LRP4: variants seen among roughly 807,000 people sequenced by gnomAD.
The protein encoded by LRP4 is LDL receptor related protein 4, also known as low-density lipoprotein receptor-related protein 4.
Under a neutral mutation model 220.3 loss-of-function variants are expected in LRP4, and 95 were observed. The ratio of observed to expected loss-of-function variants is 0.43; its 90% CI spans 0.37 to 0.51. The LOEUF is 0.51. LRP4 is among the 20% of genes least tolerant of loss of function. The pLI, the probability that LRP4 is intolerant of heterozygous loss-of-function variation, is 0.00. For synonymous variants in LRP4, 903 were observed against 954.6 expected (o/e 0.95, Z 1.00); for missense variants, 1,925 against 2,567.0 (o/e 0.75, Z 5.40).
At position 46,859,274 on chromosome 11, in the gene LRP4, G is replaced by A. The variant is rs763024440; in HGVS notation, c.5427C>T (p.Ile1809=). The A allele has an allele frequency of 2.5e-6, 4 of 1,614,066 alleles. No homozygotes were observed. The highest frequency in any genetic ancestry group is 2.2e-5 in the South Asian group (2 of 91,070). The part of the protein sequence containing the change: ...DHNYTKEKIK[I]VEGICLLSGD... ...CAGACAGGAGGCAGATTCCCTCTAC[G>A]ATCTTGATCTTCTCCTTGGTGTAGT... Residue 1809 remains isoleucine, a synonymous_variant, in exon 38 of 38, where the codon ATC becomes ATT. Coordinates refer to ENST00000378623, the MANE Select transcript of LRP4 (RefSeq NM_002334.4).
At chr11:46,904,097 G>A (rs551566962) in intron 1 of LRP4, among the ~76,000 whole-genome samples, 6 of 152,302 alleles carry the variant, frequency 3.9e-5, no homozygotes, top group Admixed American at 6.5e-5. Context: ...CATCCAACCC[G>A]CTGGGCTGCT....
At chr11:46,860,631 G>A (rs914094001) in intron 37 of LRP4, among the ~76,000 whole-genome samples, 6 of 152,134 alleles carry the variant, frequency 3.9e-5, no homozygotes, top group African/African-American at 1.4e-4. Context: ...TATTTACTGA[G>A]CCCCTATGTT....
At chr11:46,886,677 G>A in intron 16 of LRP4, 144 bp from the exon 17 acceptor site, 1 of 725,928 alleles carries the variant, frequency 1.4e-6, no homozygotes, top group Admixed American at 2.0e-5. Context: ...TATACCTCAG[G>A]CTTCTTTTAA....
chr11:46,872,024 G>A (rs1161590448), intron 30 of LRP4, among the ~76,000 whole-genome samples: 1 of 151,800 alleles, frequency 6.6e-6, no homozygotes, highest in Admixed American at 6.6e-5. Flanking sequence ...TTGGGAGGCC[G>A]AGGCGGGGGA....
chr11:46,868,839 A>G (rs1374194964), intron 32 of LRP4, 126 bp from the exon 33 acceptor site: 9 of 1,265,784 alleles, frequency 7.1e-6, no homozygotes, highest in Non-Finnish European at 1.0e-5. Flanking sequence ...GAGAGATACA[A>G]CCGCGAGGGA....
rs1254857181 is a variant in LRP4, at chr11:46,856,871, T to G, written c.*2112A>C. 6.6e-6 allele frequency: 1 copy of G among 152,630 alleles called. No homozygotes were observed. Among genetic ancestry groups the G allele is most frequent in the Non-Finnish European group, 1.5e-5 (1 of 68,040 alleles). The allele number at this position is 152,630 out of a possible 1,614,324, so 9.5% of individuals were successfully genotyped here. ...ATGACTCCAAGCCAGGCAAGGTGAT[T>G]AAGAAAAGCTAAATTTATATTAAAT... On this transcript the variant is annotated 3_prime_UTR_variant, in exon 38 of 38. Transcript: ENST00000378623. The surrounding 1 kb of genome is among the most constrained non-coding windows in gnomAD (Gnocchi z 4.1).
Position 46,890,179 on chromosome 11 carries a change from A to G in LRP4, c.1916-59T>C. 6.2e-7 allele frequency: 1 copy of G among 1,607,510 alleles called. No homozygotes were observed. The highest frequency in any genetic ancestry group is 8.5e-7 in the Non-Finnish European group (1 of 1,174,268). ...GTGGTCTGCCATGTCCCCTGGGCCC[A>G]GGCCTGGCAACTACACAAAACCTCT... On this transcript the variant is annotated intron_variant, in intron 14 of 37. Coordinates refer to ENST00000378623, the MANE Select transcript of LRP4 (RefSeq NM_002334.4). This position sits in a 1 kb window ranked among gnomAD's most constrained non-coding sequence, Gnocchi z 5.3.
chr11:46,890,597 C>T lies in LRP4; in HGVS notation c.1698-103G>A, dbSNP rs1941400742. 1 of 783,086 alleles carries T rather than the reference C, an allele frequency of 1.3e-6. No homozygotes were observed. The highest frequency in any genetic ancestry group is 1.7e-5 in the African/African-American group (1 of 58,174). 48.5% of individuals were successfully genotyped at this position (783,086 alleles called of 1,614,324 possible). ...TTTTATCCATTTAACTCAGGGGACT[C>T]CAATGTTTGGTCCACAGAATGAATT... On this transcript the variant is annotated intron_variant, in intron 13 of 37. Transcript: ENST00000378623. The surrounding 1 kb of genome is among the most constrained non-coding windows in gnomAD (Gnocchi z 5.3).
chr11:46,884,100 G>C (rs1216176065), intron 18 of LRP4, 124 bp from the exon 19 acceptor site: 1 of 744,020 alleles, frequency 1.3e-6, no homozygotes, highest in Non-Finnish European at 2.4e-6. Context: ...AAGATATTTT[G>C]TGACAGATGC....
chr11:46,911,529 C>T (rs977972809), intron 1 of LRP4, among the ~76,000 whole-genome samples: 4 of 146,526 alleles, frequency 2.7e-5, no homozygotes, highest in African/African-American at 1.0e-4. Context: ...TTCGAGGCTA[C>T]AGTGAGCTAT....
intron 18 of LRP4, among the ~76,000 whole-genome samples, chr11:46,885,558 G>A (rs917918811): frequency 6.6e-6 from 1 of 152,128 alleles, no homozygotes; most frequent in Non-Finnish European, 1.5e-5. Flanking sequence ...TGGATCACCA[G>A]GTCAGGAGAT....
chr11:46,911,093 G>T (rs928408584), intron 1 of LRP4, among the ~76,000 whole-genome samples: 1 of 152,156 alleles, frequency 6.6e-6, no homozygotes, highest in African/African-American at 2.4e-5. Flanking sequence ...TGTAAATCAG[G>T]AGTAATAACA....
intron 12 of LRP4, among the ~76,000 whole-genome samples, chr11:46,893,901 ATT>A (rs766275851): frequency 1.2e-4 from 12 of 104,082 alleles, no homozygotes; most frequent in South Asian, 2.9e-4. Context: ...CGCTTGAACT[ATT>A]TTTTTTTTTT....
chr11:46,916,941 C>CGGGGAGGGGAGAGCGCAGA (rs762948106), intron 1 of LRP4, among the ~76,000 whole-genome samples: 5 of 152,120 alleles, frequency 3.3e-5, no homozygotes, highest in Non-Finnish European at 7.3e-5. Flanking sequence ...AGGAGAGAGC[C>CGGGGAGGGGAGAGCGCAGA]GGGGAGGGGA....
Position 46,900,299 on chromosome 11 carries a change from G to A in LRP4, c.279C>T (p.Asp93=), listed in dbSNP as rs1250945479. 5 of 1,614,118 alleles carry A rather than the reference G, an allele frequency of 3.1e-6. No individual in the cohort carries two copies. Among genetic ancestry groups the A allele is most frequent in the Admixed American group, 3.3e-5 (2 of 60,022 alleles). The change falls in exon 3 of 38, where the codon GAC becomes GAT. Residue 93 remains aspartate (D), a synonymous_variant. Coordinates refer to ENST00000378623, the MANE Select transcript of LRP4 (RefSeq NM_002334.4). ...CATCCGAGTCATCCTCACAGTCGTT[G>A]TCCCCGTCACACACCCAGGAGCGGC... The part of the protein sequence containing the change: ...CIRRSWVCDG[D]NDCEDDSDEQ...
chr11:46,888,887 C>T (rs2134835114), intron 16 of LRP4, among the ~76,000 whole-genome samples: 1 of 152,294 alleles, frequency 6.6e-6, no homozygotes, highest in East Asian at 1.9e-4. Flanking sequence ...ACAATAACTC[C>T]TAAGGAGCCC....
At chr11:46,911,491 A>G (rs374783987) in intron 1 of LRP4, among the ~76,000 whole-genome samples, 2 of 151,710 alleles carry the variant, frequency 1.3e-5, no homozygotes, top group East Asian at 1.9e-4. Context: ...AACCTTTTAA[A>G]GTCTCTCTCT....
At chr11:46,916,479 G>T (rs972827402) in intron 1 of LRP4, among the ~76,000 whole-genome samples, 1 of 152,050 alleles carries the variant, frequency 6.6e-6, no homozygotes, top group South Asian at 2.1e-4. Context: ...GCGTTACCGC[G>T]AATCCTCCCA....
In LRP4 at chr11:46,886,076, C is replaced by T. The variant is rs769230813; in HGVS notation, c.2506+15G>A. 9 of 1,612,084 alleles carry T rather than the reference C, an allele frequency of 5.6e-6. No homozygotes were observed. In the South Asian group the frequency reaches 8.8e-5, roughly 16 times the overall value. On this transcript the variant is annotated intron_variant, in intron 18 of 37. Coordinates refer to ENST00000378623, the MANE Select transcript of LRP4 (RefSeq NM_002334.4). ...TCCCAGGGAGCCAGGCAGGCCACGG[C>T]TCCCCTATGCATACCTGCATCTGTC... is the stretch of plus-strand genomic sequence containing the variant.
Sources: allele counts gnomAD v4.1 joint callset (sites outside exome capture counted in the v4.1 genomes callset), GRCh38; gene constraint gnomAD v4.1.1; non-coding constraint Gnocchi (gnomAD v3.1); transcripts MANE v1.5; gene names NCBI Gene and HGNC (gene_info 2026-07-23, HGNC 2026-07-21).